The following EBF2 variants were observed in gnomAD, a reference collection of about 807,000 sequenced individuals.
EBF2 encodes EBF transcription factor 2, also known as transcription factor COE2.
A neutral mutation model predicts 72.8 loss-of-function variants in EBF2; 21 were observed. That is an observed-to-expected ratio of 0.29 (90% CI 0.20 to 0.42). The LOEUF is 0.42. Ranked by LOEUF, EBF2 falls within the 10% of genes least tolerant of loss-of-function variation. EBF2 has a pLI of 1.00. For synonymous variants in EBF2, 299 were observed against 274.2 expected (o/e 1.09, Z -0.89); for missense variants, 637 against 731.2 (o/e 0.87, Z 1.49).
At chr8:25,866,253 G>T (rs2117267869) in intron 10 of EBF2, among the ~76,000 whole-genome samples, 1 of 151,460 alleles carries the variant, frequency 6.6e-6, no homozygotes. Flanking sequence ...AATAAAGTTG[G>T]ATATTCTTGT....
At chr8:25,965,971 T>A (rs1804108402) in intron 6 of EBF2, among the ~76,000 whole-genome samples, 1 of 152,088 alleles carries the variant, frequency 6.6e-6, no homozygotes, top group Non-Finnish European at 1.5e-5. Flanking sequence ...CCCTGCACTC[T>A]ATGAACAAGG....
rs543432296 is a variant in EBF2 at position 25,874,410 on chromosome 8, G to GA, written c.1010-11614dup. 2.4e-4 allele frequency among the ~76,000 whole-genome samples: 33 copies of GA among 139,656 alleles called. No individual in the cohort carries two copies. The East Asian group carries it at 4.1e-3, about 17-fold the overall frequency. The allele number at this position is 139,656 out of a possible 152,430, so 91.6% of individuals were successfully genotyped here. On this transcript the variant is annotated intron_variant, in intron 10 of 15. Coordinates refer to ENST00000520164, the MANE Select transcript of EBF2 (RefSeq NM_022659.4). ...AATACTTTCTCCCAAATAATGAACA[G>GA]AAAAAAAAAATTGTTTTTTTGCCAA...
intron 7 of EBF2, among the ~76,000 whole-genome samples, chr8:25,901,637 A>G (rs1463353138): frequency 6.6e-6 from 1 of 152,164 alleles, no homozygotes; most frequent in Non-Finnish European, 1.5e-5. Flanking sequence ...CCCAGTCTCA[A>G]GTAGATCTGC....
chr8:25,889,730 T>G (rs538188304), intron 8 of EBF2, 22 bp downstream of exon 8: 1 of 1,576,196 alleles, frequency 6.3e-7, no homozygotes, highest in Non-Finnish European at 8.7e-7. Flanking sequence ...GTGTCTGCTA[T>G]GCTGAGCGCA....
intron 6 of EBF2, among the ~76,000 whole-genome samples, chr8:26,016,631 G>A (rs1401285003): frequency 3.3e-5 from 5 of 152,170 alleles, no homozygotes; most frequent in Admixed American, 2.6e-4. Context: ...TAAGGACACT[G>A]AGAATAATAA....
At position 25,889,812 on chromosome 8, in the gene EBF2, T is replaced by A. The variant is rs546062463; in HGVS notation, c.691A>T (p.Met231Leu). The A allele has an allele frequency of 1.1e-5, 18 of 1,613,964 alleles. No homozygotes were observed. The South Asian group carries it at 1.9e-4, about 17-fold the overall frequency. Residue 231 changes from methionine to leucine, a missense_variant, in exon 8 of 16, where the codon ATG becomes TTG. Physicochemically the swap from Met to Leu is conservative, Grantham distance 15. Transcript: ENST00000520164. ...TGCTTGGAGTTGTTATGAACAAACA[T>A]GTTGTCAGAAACAGCCAGGACGTGT... is the stretch of plus-strand genomic sequence containing the variant. ...DGHVLAVSDN[M>L]FVHNNSKHGR...
intron 7 of EBF2, among the ~76,000 whole-genome samples, chr8:25,902,914 G>A (rs946594805): frequency 2.0e-5 from 3 of 152,198 alleles, no homozygotes; most frequent in Non-Finnish European, 4.4e-5. Flanking sequence ...TGGGTGTGTG[G>A]TGAGCAGCAG....
In EBF2 at chr8:26,044,708, A is replaced by G; in HGVS notation, c.131+21T>C. 6.2e-7 allele frequency: 1 copy of G among 1,612,430 alleles called. No individual in the cohort carries two copies. Among genetic ancestry groups the G allele is most frequent in the Non-Finnish European group, 8.5e-7 (1 of 1,178,952 alleles). ...CGTAAGAGCGAGAGACAGCATAATA[A>G]TTGCGCGGCCGTGTCGTTACCTCTG... On this transcript the variant is annotated intron_variant, in intron 1 of 15. Coordinates refer to ENST00000520164, the MANE Select transcript of EBF2 (RefSeq NM_022659.4). This position sits in a 1 kb window ranked among gnomAD's most constrained non-coding sequence, Gnocchi z 4.1.
chr8:25,870,876 T>C (rs1802427166), intron 10 of EBF2, among the ~76,000 whole-genome samples: 3 of 151,944 alleles, frequency 2.0e-5, no homozygotes, highest in Admixed American at 1.3e-4. Context: ...CTCGTGTGCA[T>C]CCAAGTGAGA....
At chr8:25,893,394 C>G (rs1208481967) in intron 7 of EBF2, among the ~76,000 whole-genome samples, 2 of 148,630 alleles carry the variant, frequency 1.3e-5, no homozygotes, top group Admixed American at 1.4e-4. Flanking sequence ...TCAAGCGATT[C>G]TCCTGCCTCA....
At chr8:25,888,983 A>G (rs1802734469) in intron 8 of EBF2, among the ~76,000 whole-genome samples, 1 of 152,178 alleles carries the variant, frequency 6.6e-6, no homozygotes, top group Non-Finnish European at 1.5e-5. Flanking sequence ...TACTGATTCA[A>G]TCATTTTCTT....
intron 10 of EBF2, among the ~76,000 whole-genome samples, chr8:25,886,154 A>G (rs759824571): frequency 6.6e-6 from 1 of 152,156 alleles, no homozygotes; most frequent in African/African-American, 2.4e-5. Flanking sequence ...TATTCCATTC[A>G]TCGGAATTAC....
chr8:25,992,661 C>T (rs991774100), intron 6 of EBF2, among the ~76,000 whole-genome samples: 8 of 151,804 alleles, frequency 5.3e-5, no homozygotes, highest in Non-Finnish European at 8.8e-5. Flanking sequence ...CCAGCACTTT[C>T]GGAGGCCAAG....
chr8:26,041,255 G>T lies in EBF2; in HGVS notation c.289-253C>A, dbSNP rs146034362. The T allele has an allele frequency of 6.5e-4, 359 of 553,226 alleles. 2 individuals carry two copies. Among genetic ancestry groups the T allele is most frequent in the African/African-American group, 5.8e-3 (304 of 52,826 alleles). 34.3% of individuals were successfully genotyped at this position (553,226 alleles called of 1,614,324 possible). Reference sequence around the variant, plus strand: ...CCCTTAAAAATGTCCTCAGAAGTGTGACCCTTGAGCTTCCGACAACAGGAC... The same window carrying T: ...CCCTTAAAAATGTCCTCAGAAGTGTTACCCTTGAGCTTCCGACAACAGGAC... On this transcript the variant is annotated intron_variant, in intron 2 of 15. Coordinates refer to ENST00000520164, the MANE Select transcript of EBF2 (RefSeq NM_022659.4).
At chr8:25,900,098 G>A (rs1802926581) in intron 7 of EBF2, among the ~76,000 whole-genome samples, 1 of 152,118 alleles carries the variant, frequency 6.6e-6, no homozygotes, top group Non-Finnish European at 1.5e-5. Context: ...ATGCAACCTG[G>A]AACCAACTCA....
intron 5 of EBF2, 129 bp from the exon 6 acceptor site, chr8:26,033,282 C>T (rs889275120): frequency 1.7e-5 from 14 of 816,848 alleles, no homozygotes; most frequent in Non-Finnish European, 2.8e-5. Flanking sequence ...AGTACAATGG[C>T]TTGATGCCTC....
intron 5 of EBF2, among the ~76,000 whole-genome samples, 164 bp from the exon 6 acceptor site, chr8:26,033,317 C>T (rs1011970321): frequency 2.6e-5 from 4 of 152,186 alleles, no homozygotes; most frequent in Admixed American, 2.6e-4. Context: ...ACAACCTCTG[C>T]CTCCTGGGTT....
intron 10 of EBF2, among the ~76,000 whole-genome samples, chr8:25,866,635 A>ATAT (rs1217569936): frequency 5.2e-5 from 4 of 77,140 alleles, no homozygotes; most frequent in Non-Finnish European, 2.9e-5. Context: ...ATATATATAT[A>ATAT]TTTTTTTTTT....
At chr8:25,936,440 T>C (rs1247756290) in intron 6 of EBF2, among the ~76,000 whole-genome samples, 1 of 152,194 alleles carries the variant, frequency 6.6e-6, no homozygotes, top group Admixed American at 6.5e-5. Flanking sequence ...TGGGAAATTA[T>C]GTGAGCCACA....
Sources: gnomAD v4.1 joint callset for allele counts (sites outside exome capture counted in the v4.1 genomes callset) on GRCh38, gnomAD v4.1.1 for gene constraint, Gnocchi (gnomAD v3.1) non-coding constraint, MANE v1.5 for transcripts, NCBI Gene and HGNC (gene_info 2026-07-23, HGNC 2026-07-21) for gene names.